Variants in CDH13 observed in about 807,000 individuals in gnomAD.
CDH13 encodes the protein cadherin-13.
CDH13 carries 24 observed loss-of-function variants against 63.8 expected under a neutral mutation model. The observed-to-expected ratio is 0.38, with a 90% CI of 0.27 to 0.53. The LOEUF is 0.53. Ranked by LOEUF, CDH13 falls within the 20% of genes least tolerant of loss-of-function variation. The probability of loss-of-function intolerance (pLI) is 0.85; values close to 1 mark genes in which losing one functional copy is unlikely to be tolerated. For synonymous variants in CDH13, 503 were observed against 355.3 expected, an observed-to-expected ratio of 1.42 and a Z score of -4.67; for missense variants, 1,049 against 903.1, an observed-to-expected ratio of 1.16 and a Z score of -2.07.
At chr16:82,683,231 T>C (rs146643880) in intron 1 of CDH13, among the ~76,000 whole-genome samples, 1 of 152,346 alleles carries the variant, frequency 6.6e-6, no homozygotes, top group East Asian at 1.9e-4. Flanking sequence ...GCATCTGGGT[T>C]ACCTGTTTGC....
intron 7 of CDH13, among the ~76,000 whole-genome samples, chr16:83,527,519 A>G (rs770351466): frequency 9.2e-5 from 14 of 152,190 alleles, no homozygotes; most frequent in Non-Finnish European, 1.8e-4. Flanking sequence ...CGTTAACCGC[A>G]GCACAGGGAG....
At chr16:83,437,227 C>G (rs534271906) in intron 6 of CDH13, among the ~76,000 whole-genome samples, 54 of 152,246 alleles carry the variant, frequency 3.5e-4, no homozygotes, top group African/African-American at 1.1e-3. Flanking sequence ...GGGTGAGTTA[C>G]TTGACCTCTC....
chr16:83,452,677 A>G (rs540362579), intron 6 of CDH13, among the ~76,000 whole-genome samples: 1 of 152,214 alleles, frequency 6.6e-6, no homozygotes. Flanking sequence ...AGAAGCTTGC[A>G]ATTAAATAGA....
At chr16:83,320,412 G>C (rs1219077146) in intron 5 of CDH13, among the ~76,000 whole-genome samples, 4 of 152,162 alleles carry the variant, frequency 2.6e-5, no homozygotes, top group Admixed American at 2.6e-4. Flanking sequence ...TCTAGGAAAA[G>C]TATAAGCTGT....
At chr16:82,873,381 G>C (rs924815798) in intron 2 of CDH13, among the ~76,000 whole-genome samples, 1 of 152,222 alleles carries the variant, frequency 6.6e-6, no homozygotes, top group African/African-American at 2.4e-5. Flanking sequence ...ACAATCCTCT[G>C]ACTCCAAACC....
At chr16:82,867,097 C>T (rs2040176709) in intron 2 of CDH13, among the ~76,000 whole-genome samples, 1 of 152,190 alleles carries the variant, frequency 6.6e-6, no homozygotes, top group South Asian at 2.1e-4. Context: ...CCTCGAACCT[C>T]ACAACAGCTC....
Position 83,303,266 on chromosome 16 carries a change from C to G in CDH13, c.637-41596C>G, listed in dbSNP as rs576200801. Among the ~76,000 whole-genome samples the G allele has an allele frequency of 1.3e-3, 205 of 152,296 alleles. 2 individuals carry two copies. The highest frequency in any genetic ancestry group is 4.8e-3 in the African/African-American group (200 of 41,570). ...AGGAAGATGAATAGGAGAAAAGGCA[C>G]ACAAATTTATTTAATGTGTATTAGC... On this transcript the variant is annotated intron_variant, in intron 5 of 13. Coordinates refer to ENST00000567109, the MANE Select transcript of CDH13 (RefSeq NM_001257.5).
Position 82,679,198 on chromosome 16 carries a change from G to T in CDH13, c.45+52061G>T, listed in dbSNP as rs559926435. ...GGTTCTCTTGGGTATTCCATTGTAA[G>T]GAGTCTGAGAAGCTCCAAGGAAGAA... On this transcript the variant is annotated intron_variant, in intron 1 of 13. Coordinates refer to ENST00000567109, the MANE Select transcript of CDH13 (RefSeq NM_001257.5). Among the ~76,000 whole-genome samples the T allele has an allele frequency of 4.6e-5, 7 of 152,268 alleles. No homozygotes were observed. In the East Asian group the frequency reaches 1.4e-3, roughly 29 times the overall value.
chr16:83,043,219 C>G lies in CDH13; in HGVS notation c.366+11001C>G, dbSNP rs1362558972. Reference sequence around the variant, plus strand: ...ATTAATTTAAATAGATAACAGATTACTTTAAGGATCAGAATCTAAGAAAAC... The same window carrying G: ...ATTAATTTAAATAGATAACAGATTAGTTTAAGGATCAGAATCTAAGAAAAC... On this transcript the variant is annotated intron_variant, in intron 3 of 13. Coordinates refer to ENST00000567109, the MANE Select transcript of CDH13 (RefSeq NM_001257.5). Among the ~76,000 whole-genome samples the G allele has an allele frequency of 3.9e-5, 6 of 152,088 alleles. No homozygotes were observed. In the South Asian group the frequency reaches 1.2e-3, roughly 32 times the overall value.
chr16:83,266,346 T>G (rs137911120), intron 5 of CDH13, among the ~76,000 whole-genome samples: 91 of 152,326 alleles, frequency 6.0e-4, no homozygotes, highest in African/African-American at 2.1e-3. Context: ...CATAGCTCCT[T>G]CCATGGATAT....
At chr16:83,413,391 G>A (rs938984932) in intron 6 of CDH13, among the ~76,000 whole-genome samples, 6 of 151,908 alleles carry the variant, frequency 3.9e-5, no homozygotes, top group Admixed American at 2.0e-4. Context: ...ATTATTATCA[G>A]TCACTCCTCC....
At chr16:83,648,294 A>G (rs564900888) in intron 8 of CDH13, among the ~76,000 whole-genome samples, 1 of 152,060 alleles carries the variant, frequency 6.6e-6, no homozygotes, top group Admixed American at 6.5e-5. Flanking sequence ...AGGCAGAACA[A>G]CTCCCAGGAG....
At chr16:83,151,501 A>G (rs1348421829) in intron 4 of CDH13, among the ~76,000 whole-genome samples, 1 of 152,234 alleles carries the variant, frequency 6.6e-6, no homozygotes, top group Admixed American at 6.5e-5. Context: ...ATTCTAACCC[A>G]GTTAATAACA....
At chr16:83,700,984 C>T (rs1160652626) in intron 10 of CDH13, among the ~76,000 whole-genome samples, 1 of 152,130 alleles carries the variant, frequency 6.6e-6, no homozygotes. Context: ...CTCAATAAAA[C>T]AACATTCTTC....
intron 3 of CDH13, among the ~76,000 whole-genome samples, chr16:83,106,942 A>G (rs1306135993): frequency 1.3e-5 from 2 of 152,106 alleles, no homozygotes; most frequent in African/African-American, 4.8e-5. Context: ...TATGAGCCCA[A>G]CATATAGTGC....
At chr16:82,763,601 AAAC>A (rs1235760135) in intron 1 of CDH13, among the ~76,000 whole-genome samples, 1 of 152,260 alleles carries the variant, frequency 6.6e-6, no homozygotes, top group African/African-American at 2.4e-5. Flanking sequence ...AATTTATTGA[AAAC>A]AACAACAGTG....
At position 82,687,941 on chromosome 16, in the gene CDH13, G is replaced by A. The variant is rs11863905; in HGVS notation, c.45+60804G>A. On this transcript the variant is annotated intron_variant, in intron 1 of 13. Coordinates refer to ENST00000567109, the MANE Select transcript of CDH13 (RefSeq NM_001257.5). ...CACCTCCTTGGACTCAGACATGCTTGGGACCGCGTTCGTAGGACAACTTTT... is the reference window on the plus strand; with the variant it reads ...CACCTCCTTGGACTCAGACATGCTTAGGACCGCGTTCGTAGGACAACTTTT... 5.2e-3 allele frequency among the ~76,000 whole-genome samples: 788 copies of A among 152,218 alleles called. 7 individuals carry two copies. Among genetic ancestry groups the A allele is most frequent in the African/African-American group, 0.017 (689 of 41,548 alleles).
intron 4 of CDH13, among the ~76,000 whole-genome samples, chr16:83,141,210 T>TTC (rs2036516401): frequency 1.3e-5 from 2 of 152,204 alleles, no homozygotes; most frequent in Non-Finnish European, 2.9e-5. Flanking sequence ...ACTTGATAGA[T>TTC]AAGACACAAA....
chr16:83,708,190 G>A (rs914905935), intron 10 of CDH13, among the ~76,000 whole-genome samples: 6 of 152,154 alleles, frequency 3.9e-5, no homozygotes, highest in East Asian at 1.9e-4. Flanking sequence ...CCCTGCAGAC[G>A]ACAAAAGCGT....
Sources: allele counts gnomAD v4.1 joint callset (sites outside exome capture counted in the v4.1 genomes callset), GRCh38; gene constraint gnomAD v4.1.1; transcripts MANE v1.5; gene names NCBI Gene and HGNC (gene_info 2026-07-23, HGNC 2026-07-21).